Variants in KCNN2 observed in about 807,000 individuals in gnomAD.
KCNN2 encodes the protein potassium calcium-activated channel subfamily N member 2.
Under a neutral mutation model 55.5 loss-of-function variants are expected in KCNN2, and 24 were observed. The observed-to-expected ratio is 0.43, with a 90% CI of 0.31 to 0.61. The LOEUF (loss-of-function observed/expected upper bound fraction) is 0.61. KCNN2 is among the 20% of genes least tolerant of loss of function. The probability of loss-of-function intolerance (pLI) is 0.08; values close to 1 mark genes in which losing one functional copy is unlikely to be tolerated. For missense variants in KCNN2, 754 were observed against 853.6 expected (o/e 0.88, Z 1.45); for synonymous variants, 431 against 336.1 (o/e 1.28, Z -3.09).
chr5:114,115,634 C>G (rs1751694685), intron 1 of KCNN2, among the ~76,000 whole-genome samples: 1 of 151,932 alleles, frequency 6.6e-6, no homozygotes, highest in African/African-American at 2.4e-5. Flanking sequence ...GGTAAGCTCT[C>G]TGCACTTGAG....
At chr5:114,369,594 G>A (rs1757704740) in intron 2 of KCNN2, among the ~76,000 whole-genome samples, 1 of 152,118 alleles carries the variant, frequency 6.6e-6, no homozygotes, top group South Asian at 2.1e-4. Context: ...GTTGAGTGGT[G>A]TTCAGCTCAG....
At chr5:114,449,947 G>A (rs1259293109) in intron 3 of KCNN2, among the ~76,000 whole-genome samples, 4 of 149,904 alleles carry the variant, frequency 2.7e-5, no homozygotes, top group Non-Finnish European at 4.4e-5. Flanking sequence ...CCTTAGAAGA[G>A]CCCTTAACCC....
At chr5:114,108,861 T>C (rs1301194245) in intron 1 of KCNN2, among the ~76,000 whole-genome samples, 2 of 152,122 alleles carry the variant, frequency 1.3e-5, no homozygotes, top group African/African-American at 2.4e-5. Flanking sequence ...TGGGCATATG[T>C]ATTACTTTCT....
intron 1 of KCNN2, among the ~76,000 whole-genome samples, chr5:114,214,788 A>C (rs1231680680): frequency 6.6e-6 from 1 of 152,168 alleles, no homozygotes; most frequent in African/African-American, 2.4e-5. Context: ...CAGTCATCCA[A>C]GACCTAAATA....
chr5:114,371,613 C>G (rs899436000), intron 2 of KCNN2, among the ~76,000 whole-genome samples: 2 of 152,110 alleles, frequency 1.3e-5, no homozygotes, highest in Non-Finnish European at 2.9e-5. Flanking sequence ...GAGACAGAAA[C>G]AGACTGTAAG....
chr5:114,321,420 G>T (rs527926510), intron 2 of KCNN2, among the ~76,000 whole-genome samples: 10 of 152,124 alleles, frequency 6.6e-5, no homozygotes, highest in Non-Finnish European at 1.3e-4. Flanking sequence ...TGTGGTGCAG[G>T]TTGGGGGTTG....
At position 114,148,358 on chromosome 5, in the gene KCNN2, A is replaced by T. The variant is rs368856284; in HGVS notation, c.-270-73122A>T. The stretch of plus-strand genomic sequence containing the variant: ...CTGACTTTTTTTGTGCAACAAACAC[A>T]GACGAGTTCCATGGAGACAAGGAGG... On this transcript the variant is annotated intron_variant, in intron 1 of 10. Coordinates refer to the KCNN2 transcript ENST00000512097. Among the ~76,000 whole-genome samples, 9 of 152,332 alleles carry T rather than the reference A, an allele frequency of 5.9e-5. No homozygotes were observed. In the East Asian group the frequency reaches 1.7e-3, roughly 29 times the overall value.
chr5:114,268,045 A>G (rs1755246125), intron 2 of KCNN2, among the ~76,000 whole-genome samples: 3 of 152,092 alleles, frequency 2.0e-5, no homozygotes, highest in Admixed American at 2.0e-4. Flanking sequence ...CCACCCTAGC[A>G]CTTCCCACTT....
chr5:114,199,796 A>G (rs1205231483), intron 1 of KCNN2, among the ~76,000 whole-genome samples: 1 of 152,056 alleles, frequency 6.6e-6, no homozygotes, highest in Non-Finnish European at 1.5e-5. Context: ...AATTCTTGGC[A>G]GATAATTTTT....
At chr5:114,221,261 G>T (rs1353185424) in intron 1 of KCNN2, among the ~76,000 whole-genome samples, 2 of 152,156 alleles carry the variant, frequency 1.3e-5, no homozygotes, top group East Asian at 1.9e-4. Context: ...CAAAGTGATA[G>T]AATCTAGGAA....
At chr5:114,117,719 G>GCATGACCCAATACAGAA (rs887583274) in intron 1 of KCNN2, among the ~76,000 whole-genome samples, 13 of 152,160 alleles carry the variant, frequency 8.5e-5, no homozygotes, top group Non-Finnish European at 2.9e-5. Flanking sequence ...GGGAAGAACT[G>GCATGACCCAATACAGAA]CATGACCCAA....
At chr5:114,275,415 A>T (rs1003410948) in intron 2 of KCNN2, among the ~76,000 whole-genome samples, 1 of 152,094 alleles carries the variant, frequency 6.6e-6, no homozygotes. Context: ...AATGGTGTCC[A>T]TTCCTCTTTG....
At chr5:114,114,989 G>T (rs1488661213) in intron 1 of KCNN2, among the ~76,000 whole-genome samples, 1 of 152,018 alleles carries the variant, frequency 6.6e-6, no homozygotes, top group African/African-American at 2.4e-5. Flanking sequence ...TTAGTTGGTG[G>T]GATATATATA....
intron 3 of KCNN2, among the ~76,000 whole-genome samples, chr5:114,414,790 A>G (rs533318921): frequency 5.9e-5 from 9 of 152,318 alleles, no homozygotes; most frequent in African/African-American, 2.2e-4. Context: ...GTAAAAAGAC[A>G]AAAGGATCTT....
intron 2 of KCNN2, among the ~76,000 whole-genome samples, chr5:114,302,202 T>A (rs1022006932): frequency 1.3e-5 from 2 of 152,234 alleles, no homozygotes; most frequent in African/African-American, 4.8e-5. Flanking sequence ...AGAATCATGC[T>A]TGACTTTGCA....
chr5:114,299,710 G>A (rs1431842139), intron 2 of KCNN2, among the ~76,000 whole-genome samples: 1 of 152,158 alleles, frequency 6.6e-6, no homozygotes, highest in Non-Finnish European at 1.5e-5. Flanking sequence ...AGTGCCTCCA[G>A]CCATGTGGTC....
In KCNN2 at chr5:114,483,162, C is replaced by T. The variant is rs1000567881; in HGVS notation, c.1891-3888C>T. ...ATGGTTTTATTATTTTATAATTAAC[C>T]GTGAGTCGCAATATAATATCTCCTG... On this transcript the variant is annotated intron_variant, in intron 5 of 7. Transcript: ENST00000673685. Among the ~76,000 whole-genome samples the T allele has an allele frequency of 4.0e-5, 6 of 151,546 alleles. No individual in the cohort carries two copies. In the East Asian group the frequency reaches 5.8e-4, roughly 15 times the overall value.
chr5:114,464,649 G>T (rs1413986691), intron 4 of KCNN2, among the ~76,000 whole-genome samples: 1 of 152,068 alleles, frequency 6.6e-6, no homozygotes, highest in Non-Finnish European at 1.5e-5. Flanking sequence ...CTGGGATAAG[G>T]CAGCTAACTT....
intron 1 of KCNN2, among the ~76,000 whole-genome samples, chr5:114,165,078 G>T (rs1339189610): frequency 6.6e-6 from 1 of 152,184 alleles, no homozygotes; most frequent in Admixed American, 6.5e-5. Context: ...AATCCAAGTA[G>T]TCTGGCTTCA....
Sources: allele counts gnomAD v4.1 joint callset (sites outside exome capture counted in the v4.1 genomes callset), GRCh38; gene constraint gnomAD v4.1.1; transcripts MANE v1.5; gene names NCBI Gene and HGNC (gene_info 2026-07-23, HGNC 2026-07-21).